LDB2: variants seen among roughly 807,000 people sequenced by gnomAD.
LDB2 encodes LIM domain-binding protein 2.
LDB2 carries 12 observed loss-of-function variants against 44.3 expected under a neutral mutation model. The observed-to-expected ratio is 0.27, with a 90% CI of 0.17 to 0.44. The LOEUF (loss-of-function observed/expected upper bound fraction) is 0.44, where lower values mean the gene tolerates loss of function less well. Among genes scored for constraint, LDB2 ranks in the 20% least tolerant of loss-of-function variants. The pLI is 1.00. For synonymous variants in LDB2, 164 were observed against 174.8 expected (o/e 0.94, Z 0.49); for missense variants, 344 against 473.5 (o/e 0.73, Z 2.54).
chr4:16,693,065 G>A (rs955434448), intron 2 of LDB2, among the ~76,000 whole-genome samples: 2 of 152,152 alleles, frequency 1.3e-5, no homozygotes, highest in Non-Finnish European at 2.9e-5. Flanking sequence ...TCTCATAAAA[G>A]GCAAGCAAAT....
At position 16,585,962 on chromosome 4, in the gene LDB2, G is replaced by T. The variant is rs932129408; in HGVS notation, c.575C>A (p.Thr192Asn). Residue 192 changes from threonine (T) to asparagine (N), a missense_variant, in exon 5 of 8, where the codon ACC becomes AAC. Around this residue, in one of 3 missense-constraint regions of LDB2, gnomAD observed 226 missense variants for 270.1 expected, o/e 0.84. Transcript: ENST00000304523. ...QVLDQLSKNI[T>N]RMGLTNFTLN... ...GGTGAAGTTTGTTAGCCCCATCCTG[G>T]TGATGTTTTTGGACAGCTGATCCAG... 6.2e-7 allele frequency: 1 copy of T among 1,613,798 alleles called. No homozygotes were observed. Among genetic ancestry groups the T allele is most frequent in the Non-Finnish European group, 8.5e-7 (1 of 1,179,804 alleles).
intron 1 of LDB2, among the ~76,000 whole-genome samples, chr4:16,769,973 A>C (rs745996630): frequency 1.3e-5 from 2 of 152,190 alleles, no homozygotes; most frequent in Non-Finnish European, 2.9e-5. Context: ...TTTCCCCCCA[A>C]AGACCTGAGA....
rs915796927 is a variant in LDB2, at chr4:16,516,021, G to A, written c.616-3917C>T. 4.3e-4 allele frequency among the ~76,000 whole-genome samples: 66 copies of A among 151,900 alleles called. 1 individual carries two copies. Among genetic ancestry groups the A allele is most frequent in the African/African-American group, 1.4e-3 (57 of 41,428 alleles). On this transcript the variant is annotated intron_variant, in intron 5 of 7. Coordinates refer to ENST00000304523, the MANE Select transcript of LDB2 (RefSeq NM_001290.5). ...TGAGACTACAGGCGCCCGCCACCAC[G>A]CCCAGCTAATTTTTTGTATTTTTTT...
intron 1 of LDB2, among the ~76,000 whole-genome samples, chr4:16,775,236 A>G (rs1156820014): frequency 2.6e-5 from 4 of 152,226 alleles, no homozygotes; most frequent in Admixed American, 2.6e-4. Context: ...AACAGAGTAA[A>G]TGCCCAACAA....
chr4:16,815,975 A>C (rs1311459763), intron 1 of LDB2, among the ~76,000 whole-genome samples: 2 of 152,234 alleles, frequency 1.3e-5, no homozygotes, highest in Non-Finnish European at 2.9e-5. Flanking sequence ...TGGGAGGCCG[A>C]GGCGGGTGGA....
intron 2 of LDB2, among the ~76,000 whole-genome samples, chr4:16,627,985 CT>C (rs1408409066): frequency 6.6e-6 from 1 of 152,160 alleles, no homozygotes; most frequent in Non-Finnish European, 1.5e-5. Flanking sequence ...AATTCTGCCC[CT>C]TTTCACCATG....
chr4:16,708,732 T>C (rs1421236962), intron 2 of LDB2, among the ~76,000 whole-genome samples: 1 of 151,962 alleles, frequency 6.6e-6, no homozygotes, highest in African/African-American at 2.4e-5. Flanking sequence ...ATAATTATAT[T>C]AGGGAAGTAC....
Position 16,512,089 on chromosome 4 carries a change from C to T in LDB2, c.631G>A (p.Glu211Lys). 6.2e-7 allele frequency: 1 copy of T among 1,611,838 alleles called. No individual in the cohort carries two copies. Among genetic ancestry groups the T allele is most frequent in the Non-Finnish European group, 8.5e-7 (1 of 1,178,770 alleles). ...LNYLRLCVIL[E>K]PMQELMSRHK... ...CTCGACATCAGTTCCTGCATTGGCT[C>T]CAATATTACACACAACTGCAAGAAG... Residue 211 changes from glutamate to lysine, a missense_variant, in exon 6 of 8, where the codon GAG becomes AAG. Physicochemically the swap from Glu to Lys is moderately conservative, Grantham distance 56. Around this residue, in one of 3 missense-constraint regions of LDB2, gnomAD observed 226 missense variants for 270.1 expected, o/e 0.84. Transcript: ENST00000304523.
At position 16,561,840 on chromosome 4, in the gene LDB2, A is replaced by G. The variant is rs1013254529; in HGVS notation, c.615+24082T>C. On this transcript the variant is annotated intron_variant, in intron 5 of 7. Coordinates refer to ENST00000304523, the MANE Select transcript of LDB2 (RefSeq NM_001290.5). Reference sequence around the variant, plus strand: ...AACTATACTACAGGCTACAGTAACCAAAACAGCATGGTACTGGTACCAAAA... The same window carrying G: ...AACTATACTACAGGCTACAGTAACCGAAACAGCATGGTACTGGTACCAAAA... 1.2e-4 allele frequency among the ~76,000 whole-genome samples: 18 copies of G among 152,354 alleles called. No homozygotes were observed. The East Asian group carries it at 3.1e-3, about 26-fold the overall frequency.
At chr4:16,665,545 G>A (rs531738917) in intron 2 of LDB2, among the ~76,000 whole-genome samples, 3 of 152,126 alleles carry the variant, frequency 2.0e-5, no homozygotes, top group Admixed American at 6.5e-5. Flanking sequence ...GATTACAGGC[G>A]TGAGCCACCG....
At chr4:16,578,956 T>C (rs150913314) in intron 5 of LDB2, among the ~76,000 whole-genome samples, 149 of 152,298 alleles carry the variant, frequency 9.8e-4, no homozygotes, top group African/African-American at 3.2e-3. Flanking sequence ...AAGACAGATA[T>C]TGCATGTTCT....
At chr4:16,821,646 C>T (rs1318639771) in intron 1 of LDB2, among the ~76,000 whole-genome samples, 1 of 148,078 alleles carries the variant, frequency 6.8e-6, no homozygotes, top group Admixed American at 6.9e-5. Flanking sequence ...ACCTCGGCCT[C>T]CCAAAGTGCT....
chr4:16,876,642 A>G (rs1718466596), intron 1 of LDB2, among the ~76,000 whole-genome samples: 1 of 152,176 alleles, frequency 6.6e-6, no homozygotes, highest in Non-Finnish European at 1.5e-5. Context: ...GTTTATAAAT[A>G]TAACATACAG....
intron 2 of LDB2, among the ~76,000 whole-genome samples, chr4:16,746,961 C>A (rs1393658403): frequency 2.6e-5 from 4 of 152,268 alleles, no homozygotes; most frequent in Non-Finnish European, 4.4e-5. Flanking sequence ...AGAAGGAACA[C>A]AATGGAAACA....
intron 2 of LDB2, among the ~76,000 whole-genome samples, chr4:16,662,277 G>C (rs1342744626): frequency 6.6e-6 from 1 of 151,902 alleles, no homozygotes; most frequent in Non-Finnish European, 1.5e-5. Flanking sequence ...ATTGACTTTT[G>C]CTCCAAACCC....
chr4:16,812,582 TTA>T (rs6148319), intron 1 of LDB2, among the ~76,000 whole-genome samples: 5,752 of 115,258 alleles, frequency 0.05, 110 homozygotes, highest in Middle Eastern at 0.089. Context: ...ATCAATGAAA[TTA>T]TATATATATA....
intron 5 of LDB2, among the ~76,000 whole-genome samples, chr4:16,528,802 G>A (rs565615857): frequency 1.9e-4 from 29 of 152,264 alleles, no homozygotes; most frequent in African/African-American, 3.1e-4. Flanking sequence ...AAGAACAGAC[G>A]TATAGGGGCT....
intron 2 of LDB2, among the ~76,000 whole-genome samples, chr4:16,708,209 G>C (rs1755047554): frequency 6.6e-6 from 1 of 152,096 alleles, no homozygotes; most frequent in Non-Finnish European, 1.5e-5. Context: ...GCAGGGTGTG[G>C]TGGCACACAC....
chr4:16,602,403 C>T (rs866521659), intron 2 of LDB2, among the ~76,000 whole-genome samples: 6 of 152,124 alleles, frequency 3.9e-5, no homozygotes, highest in African/African-American at 7.2e-5. Context: ...TTTGATTGAA[C>T]GAGTTTAGTG....
Sources: allele counts gnomAD v4.1 joint callset (sites outside exome capture counted in the v4.1 genomes callset), GRCh38; gene constraint gnomAD v4.1.1; regional missense constraint gnomAD v4.1.1; transcripts MANE v1.5; gene names NCBI Gene and HGNC (gene_info 2026-07-23, HGNC 2026-07-21).